ACTR3B: variants seen among roughly 807,000 people sequenced by gnomAD.
ACTR3B encodes the protein actin-related protein 3B.
Under a neutral mutation model 59.0 loss-of-function variants are expected in ACTR3B, and 8 were observed. The ratio of observed to expected loss-of-function variants is 0.14; its 90% CI spans 0.08 to 0.24. The LOEUF (loss-of-function observed/expected upper bound fraction) is 0.24. Ranked by LOEUF, ACTR3B falls within the 10% of genes least tolerant of loss-of-function variation. The pLI is 1.00. For missense variants in ACTR3B, 245 were observed against 552.3 expected (o/e 0.44, Z 5.58); for synonymous variants, 148 against 197.9 (o/e 0.75, Z 2.12).
intron 4 of ACTR3B, among the ~76,000 whole-genome samples, chr7:152,809,949 T>G (rs1427154413): frequency 6.6e-6 from 1 of 152,184 alleles, no homozygotes; most frequent in Non-Finnish European, 1.5e-5. Flanking sequence ...AAAAAAACCC[T>G]AATACTATTT....
At chr7:152,780,836 CT>C (rs2098150457) in intron 1 of ACTR3B, among the ~76,000 whole-genome samples, 1 of 144,544 alleles carries the variant, frequency 6.9e-6, no homozygotes, top group Non-Finnish European at 1.5e-5. Context: ...TTTTTTTTAA[CT>C]TTTCAGATTT....
intron 1 of ACTR3B, among the ~76,000 whole-genome samples, chr7:152,780,620 C>T (rs1159001447): frequency 1.3e-5 from 2 of 151,590 alleles, no homozygotes; most frequent in Admixed American, 6.6e-5. Flanking sequence ...CCTTTTCCTG[C>T]TGTGGGCCAT....
At position 152,797,537 on chromosome 7, in the gene ACTR3B, G is replaced by A. The variant is rs2098221521; in HGVS notation, c.101-2994G>A. Among the ~76,000 whole-genome samples, 6 of 152,150 alleles carry A rather than the reference G, an allele frequency of 3.9e-5. No individual in the cohort carries two copies. The South Asian group carries it at 1.2e-3, about 32-fold the overall frequency. The stretch of plus-strand genomic sequence containing the variant: ...TATAGTCATCATTTTTGTGGTGAGA[G>A]CACATAACACGTACTCTACATTTTT... On this transcript the variant is annotated intron_variant, in intron 2 of 11. Coordinates refer to ENST00000256001, the MANE Select transcript of ACTR3B (RefSeq NM_020445.6).
At chr7:152,852,861 G>A (rs1356047696) in intron 10 of ACTR3B, among the ~76,000 whole-genome samples, 1 of 150,806 alleles carries the variant, frequency 6.6e-6, no homozygotes, top group South Asian at 2.1e-4. Flanking sequence ...GTGAGATCTC[G>A]GCTCATAGCA....
intron 7 of ACTR3B, among the ~76,000 whole-genome samples, chr7:152,823,062 T>C (rs1303120621): frequency 6.6e-6 from 1 of 152,158 alleles, no homozygotes; most frequent in Non-Finnish European, 1.5e-5. Flanking sequence ...CCTGTAGACA[T>C]CATTTCAGAT....
intron 10 of ACTR3B, among the ~76,000 whole-genome samples, chr7:152,852,615 CATTAA>C (rs1798904982): frequency 6.6e-6 from 1 of 152,116 alleles, no homozygotes; most frequent in African/African-American, 2.4e-5. Context: ...GAAATGTTCT[CATTAA>C]ATGAAAATAA....
intron 9 of ACTR3B, among the ~76,000 whole-genome samples, chr7:152,851,245 G>A (rs1038892756): frequency 6.6e-6 from 1 of 152,202 alleles, no homozygotes; most frequent in Non-Finnish European, 1.5e-5. Context: ...TTATATAAAT[G>A]TGGTCTCTCT....
chr7:152,810,651 C>A (rs967288402), intron 4 of ACTR3B: 5 of 151,752 alleles, frequency 3.3e-5, no homozygotes, highest in Admixed American at 1.3e-4. Flanking sequence ...GCCTTGTAAT[C>A]CCAGCCTTTG....
chr7:152,820,684 C>T lies in ACTR3B; in HGVS notation c.684+242C>T, dbSNP rs1467386870. Among the ~76,000 whole-genome samples the T allele has an allele frequency of 4.6e-5, 7 of 152,236 alleles. No individual in the cohort carries two copies. The South Asian group carries it at 6.2e-4, about 13-fold the overall frequency. ...CTTGGTAGCTGGTGCAGCGTACCAG[C>T]GTGCAGAGGCAGCATTGTTCAGCTG... On this transcript the variant is annotated intron_variant, in intron 7 of 11. Transcript: ENST00000256001.
chr7:152,765,787 GAA>G (rs932689815), intron 1 of ACTR3B, among the ~76,000 whole-genome samples: 3 of 147,668 alleles, frequency 2.0e-5, no homozygotes, highest in Admixed American at 6.8e-5. Context: ...CTTAAAAAAA[GAA>G]AAAAAAAAGT....
rs567640862 is a variant in ACTR3B, at chr7:152,846,521, C to T, written c.952-5605C>T. 7.3e-5 allele frequency among the ~76,000 whole-genome samples: 10 copies of T among 137,192 alleles called. 1 individual carries two copies. The highest frequency in any genetic ancestry group is 5.0e-4 in the South Asian group (2 of 4,004). The allele number at this position is 137,192 out of a possible 152,430, so 90.0% of individuals were successfully genotyped here. On this transcript the variant is annotated intron_variant, in intron 9 of 11. Transcript: ENST00000256001. ...TGTAGTCTGTAGTGAGCTCTAGTGC[C>T]GGGCTGTAGTGTGTAGTGAGCCCCA...
At chr7:152,768,371 G>A (rs1382844564) in intron 1 of ACTR3B, among the ~76,000 whole-genome samples, 7 of 152,194 alleles carry the variant, frequency 4.6e-5, no homozygotes, top group Non-Finnish European at 8.8e-5. Flanking sequence ...AGTGGAGTTA[G>A]TGGGCATTAT....
intron 1 of ACTR3B, among the ~76,000 whole-genome samples, chr7:152,767,776 T>C: frequency 6.6e-6 from 1 of 152,162 alleles, no homozygotes; most frequent in African/African-American, 2.4e-5. Flanking sequence ...TTGTTTTTCT[T>C]GAATATATGA....
Position 152,852,087 on chromosome 7 carries a change from C to T in ACTR3B, c.952-39C>T, listed in dbSNP as rs764553139. The T allele has an allele frequency of 4.4e-5, 71 of 1,613,360 alleles. 1 individual carries two copies. In the Admixed American group the frequency reaches 8.5e-4, roughly 19 times the overall value. On this transcript the variant is annotated intron_variant, in intron 9 of 11. Coordinates refer to ENST00000256001, the MANE Select transcript of ACTR3B (RefSeq NM_020445.6). The stretch of plus-strand genomic sequence containing the variant: ...GGTGGTTCCCGGAACTGTGGGCGGG[C>T]GGTTTTACCCAGGGCTCCCTCTGCT...
chr7:152,800,570 C>G lies in ACTR3B; in HGVS notation c.140C>G (p.Ala47Gly). Residue 47 changes from alanine (A) to glycine (G), a missense_variant, in exon 3 of 12, where the codon GCT becomes GGT. Physicochemically the swap from Ala to Gly is moderately conservative, Grantham distance 60. This residue lies in a region of ACTR3B where 14 missense variants were observed against 16.2 expected (regional missense o/e 0.86). Coordinates refer to ENST00000256001, the MANE Select transcript of ACTR3B (RefSeq NM_020445.6). ...IRESAKVVDQ[A>G]QRRVLRGVDD... ...GAGTCAGCAAAGGTAGTTGACCAAG[C>G]TCAAAGGAGAGTGTTGAGGGGAGTT... 1 of 1,613,956 alleles carries G rather than the reference C, an allele frequency of 6.2e-7. No homozygotes were observed. Among genetic ancestry groups the G allele is most frequent in the Non-Finnish European group, 8.5e-7 (1 of 1,179,964 alleles).
chr7:152,832,521 CAG>C (rs1444948741), intron 9 of ACTR3B, among the ~76,000 whole-genome samples: 3 of 152,186 alleles, frequency 2.0e-5, no homozygotes, highest in African/African-American at 7.2e-5. Context: ...TCTTTAGAAA[CAG>C]AACCAATAGC....
chr7:152,785,418 AGGGAGG>A (rs1225793007), intron 2 of ACTR3B, among the ~76,000 whole-genome samples: 7 of 2,864 alleles, frequency 2.4e-3, no homozygotes, highest in African/African-American at 3.0e-3. Flanking sequence ...AGGGAGGGAG[AGGGAGG>A]GAGAGAGAGG....
intron 1 of ACTR3B, among the ~76,000 whole-genome samples, chr7:152,782,955 T>C (rs2098159405): frequency 6.7e-6 from 1 of 149,882 alleles, no homozygotes; most frequent in South Asian, 2.1e-4. Context: ...TATGTGTTTC[T>C]TTTTTTCTAC....
rs1489888655 is a variant in ACTR3B at position 152,819,009 on chromosome 7, ATATT to A, written c.541-1283_541-1280del. ...ATATTTTTACCACTGTCATGAGCTG[ATATT>A]TATTTAACAGTATTTTAGAAAATGT... On this transcript the variant is annotated intron_variant, in intron 6 of 11. Coordinates refer to ENST00000256001, the MANE Select transcript of ACTR3B (RefSeq NM_020445.6). Among the ~76,000 whole-genome samples, 10 of 152,364 alleles carry A rather than the reference ATATT, an allele frequency of 6.6e-5. No individual in the cohort carries two copies. The East Asian group carries it at 1.2e-3, about 18-fold the overall frequency.
Sources: gnomAD v4.1 joint callset for allele counts (sites outside exome capture counted in the v4.1 genomes callset) on GRCh38, gnomAD v4.1.1 for gene constraint, gnomAD v4.1.1 regional missense constraint, MANE v1.5 for transcripts, NCBI Gene and HGNC (gene_info 2026-07-23, HGNC 2026-07-21) for gene names.